Variants in PTDSS1 observed in about 807,000 individuals in gnomAD.
PTDSS1 encodes PSS-1.
In PTDSS1, 45 loss-of-function variants were observed where a neutral mutation model predicts 70.5. The ratio of observed to expected loss-of-function variants is 0.64; its 90% confidence interval spans 0.50 to 0.82. PTDSS1 has a LOEUF of 0.82. PTDSS1 is among the 40% of genes least tolerant of loss of function. The pLI is 0.00. For missense variants in PTDSS1, 417 were observed against 586.1 expected, an observed-to-expected ratio of 0.71 and a Z score of 2.98; for synonymous variants, 188 against 203.8, an observed-to-expected ratio of 0.92 and a Z score of 0.66.
chr8:96,286,371 C>T (rs1468834827), intron 3 of PTDSS1, among the ~76,000 whole-genome samples: 1 of 152,082 alleles, frequency 6.6e-6, no homozygotes. Context: ...ATTAGGATAG[C>T]AATTATGAGA....
chr8:96,302,451 G>A (rs921703415), intron 6 of PTDSS1, among the ~76,000 whole-genome samples: 1 of 152,182 alleles, frequency 6.6e-6, no homozygotes, highest in East Asian at 1.9e-4. Context: ...AGTCCTGAGG[G>A]TAGACACTGT....
At chr8:96,268,349 T>C (rs1311723717) in intron 1 of PTDSS1, among the ~76,000 whole-genome samples, 2 of 152,210 alleles carry the variant, frequency 1.3e-5, no homozygotes, top group African/African-American at 2.4e-5. Flanking sequence ...CATCTAAACA[T>C]GAACCTATAG....
At chr8:96,332,758 T>C (rs1811535574) in intron 12 of PTDSS1, among the ~76,000 whole-genome samples, 1 of 152,238 alleles carries the variant, frequency 6.6e-6, no homozygotes, top group Non-Finnish European at 1.5e-5. Context: ...CAAATGCTCC[T>C]TACAGTGGAG....
Position 96,333,665 on chromosome 8 carries a change from C to G in PTDSS1, c.*99C>G, listed in dbSNP as rs539061582. ...CGTGAGGAGGTCGAGGCGCACAGGGCAAGCAGGAAGAGGCGAGGGCACTTG... is the reference window on the plus strand; with the variant it reads ...CGTGAGGAGGTCGAGGCGCACAGGGGAAGCAGGAAGAGGCGAGGGCACTTG... On this transcript the variant is annotated 3_prime_UTR_variant, in exon 13 of 13. Transcript: ENST00000517309. 1.5e-5 allele frequency: 18 copies of G among 1,182,794 alleles called. No individual in the cohort carries two copies. Among genetic ancestry groups the G allele is most frequent in the African/African-American group, 9.1e-5 (6 of 66,290 alleles). The allele number at this position is 1,182,794 out of a possible 1,614,324, so 73.3% of individuals were successfully genotyped here. A position where few individuals can be genotyped will look rare whatever the true frequency, so the allele number is the denominator to read the frequency against.
chr8:96,306,645 C>A, intron 8 of PTDSS1, 89 bp downstream of exon 8: 1 of 987,718 alleles, frequency 1.0e-6, no homozygotes, highest in Non-Finnish European at 1.6e-6. Context: ...TATAAACTAG[C>A]AGATTTTCCA....
chr8:96,283,652 C>T (rs748998114), intron 2 of PTDSS1: 15 of 158,338 alleles, frequency 9.5e-5, no homozygotes, highest in South Asian at 3.8e-4. Flanking sequence ...TGTGCACACA[C>T]GTACACACAC....
intron 7 of PTDSS1, among the ~76,000 whole-genome samples, chr8:96,304,547 T>G (rs1487455745): frequency 6.6e-6 from 1 of 152,208 alleles, no homozygotes; most frequent in African/African-American, 2.4e-5. Context: ...CATTCCTAAT[T>G]CAGTGTTTAT....
At position 96,336,145 on chromosome 8, in the gene PTDSS1, T is replaced by G. The variant is rs980569721; in HGVS notation, c.*2579T>G. ...ATGCTAGGATGTTTCATGGACCTGT[T>G]AAGCATTTTGATGATACAAGACATC... is the stretch of plus-strand genomic sequence containing the variant. On this transcript the variant is annotated 3_prime_UTR_variant, in exon 13 of 13. Coordinates refer to ENST00000517309, the MANE Select transcript of PTDSS1 (RefSeq NM_014754.3). The G allele has an allele frequency of 5.3e-5, 8 of 152,024 alleles. No individual in the cohort carries two copies. Among genetic ancestry groups the G allele is most frequent in the African/African-American group, 1.7e-4 (7 of 41,262 alleles). The allele number at this position is 152,024 out of a possible 1,614,324, so 9.4% of individuals were successfully genotyped here. A position where few individuals can be genotyped will look rare whatever the true frequency, so the allele number is the denominator to read the frequency against.
At chr8:96,308,150 G>C (rs750100004) in intron 8 of PTDSS1, among the ~76,000 whole-genome samples, 7 of 152,204 alleles carry the variant, frequency 4.6e-5, no homozygotes, top group Admixed American at 6.5e-5. Flanking sequence ...AACATCTCCA[G>C]CTTCTTCCTT....
At chr8:96,329,035 T>C (rs1452158877) in intron 10 of PTDSS1, among the ~76,000 whole-genome samples, 2 of 152,078 alleles carry the variant, frequency 1.3e-5, no homozygotes, top group Non-Finnish European at 2.9e-5. Flanking sequence ...TTCTGGAAAA[T>C]GAGGGGCAAT....
chr8:96,292,817 A>G (rs73698562), intron 4 of PTDSS1, among the ~76,000 whole-genome samples: 2,884 of 152,304 alleles, frequency 0.019, 88 homozygotes, highest in African/African-American at 0.066. Flanking sequence ...GACAACCACA[A>G]GCTGCTTCTG....
At chr8:96,302,808 C>A (rs1288663705) in intron 6 of PTDSS1, among the ~76,000 whole-genome samples, 1 of 152,158 alleles carries the variant, frequency 6.6e-6, no homozygotes, top group African/African-American at 2.4e-5. Context: ...TCTCAAACTC[C>A]TGACCTCAAG....
At chr8:96,321,266 C>T (rs967425089) in intron 10 of PTDSS1, among the ~76,000 whole-genome samples, 3 of 152,144 alleles carry the variant, frequency 2.0e-5, no homozygotes, top group African/African-American at 7.2e-5. Flanking sequence ...AAAAGAAGCT[C>T]AGGATACTTT....
intron 4 of PTDSS1, among the ~76,000 whole-genome samples, chr8:96,288,905 A>G (rs542740274): frequency 2.0e-5 from 3 of 151,480 alleles, no homozygotes; most frequent in Admixed American, 2.0e-4. Context: ...CTGGAATTAC[A>G]GGTGTGAGCC....
At chr8:96,323,343 G>T (rs1811397877) in intron 10 of PTDSS1, among the ~76,000 whole-genome samples, 1 of 152,212 alleles carries the variant, frequency 6.6e-6, no homozygotes, top group Admixed American at 6.5e-5. Flanking sequence ...TCTCTGCAGT[G>T]GCACTGCCCC....
intron 9 of PTDSS1, among the ~76,000 whole-genome samples, chr8:96,310,432 GATTACAGGC>G (rs1414974882): frequency 5.9e-5 from 9 of 151,396 alleles, no homozygotes; most frequent in Admixed American, 5.3e-4. Context: ...AAAGTGCTGG[GATTACAGGC>G]ATGAGCCACC....
chr8:96,318,292 C>G (rs748869378), intron 9 of PTDSS1, among the ~76,000 whole-genome samples: 1 of 151,276 alleles, frequency 6.6e-6, no homozygotes, highest in Non-Finnish European at 1.5e-5. Context: ...CCACTGCACT[C>G]CAGCCTGGGT....
At chr8:96,308,500 G>A (rs571065236) in intron 8 of PTDSS1, among the ~76,000 whole-genome samples, 3 of 152,230 alleles carry the variant, frequency 2.0e-5, no homozygotes, top group African/African-American at 4.8e-5. Flanking sequence ...ATGAGTTCCT[G>A]GTTCAGGTGC....
intron 2 of PTDSS1, among the ~76,000 whole-genome samples, 188 bp from the exon 3 acceptor site, chr8:96,283,921 C>T (rs532482690): frequency 6.0e-5 from 9 of 150,982 alleles, no homozygotes; most frequent in African/African-American, 9.8e-5. Flanking sequence ...TGGTGACAGT[C>T]GTTATAATGT....
Sources: gnomAD v4.1 joint callset for allele counts (sites outside exome capture counted in the v4.1 genomes callset) on GRCh38, gnomAD v4.1.1 for gene constraint, MANE v1.5 for transcripts, NCBI Gene and HGNC (gene_info 2026-07-23, HGNC 2026-07-21) for gene names.